FGFR2: variants seen among roughly 807,000 people sequenced by gnomAD.
FGFR2 encodes the protein fibroblast growth factor receptor 2, also known as BEK fibroblast growth factor receptor.
FGFR2 carries 19 observed loss-of-function variants against 95.9 expected under a neutral mutation model. The observed-to-expected ratio is 0.20, with a 90% CI of 0.14 to 0.29. FGFR2 has a LOEUF of 0.29. FGFR2 is among the 10% of genes least tolerant of loss of function. The pLI is 1.00. For missense variants in FGFR2, 707 were observed against 1,056.9 expected, an observed-to-expected ratio of 0.67 and a Z score of 4.59; for synonymous variants, 392 against 393.3, an observed-to-expected ratio of 1.00 and a Z score of 0.04.
At chr10:121,515,810 T>G (rs1202001934) in intron 8 of FGFR2, among the ~76,000 whole-genome samples, 1 of 150,094 alleles carries the variant, frequency 6.7e-6, no homozygotes, top group Non-Finnish European at 1.5e-5. Context: ...ATGAACACAA[T>G]TCCATATGAA....
intron 5 of FGFR2, among the ~76,000 whole-genome samples, chr10:121,546,469 A>G (rs1447658708): frequency 1.3e-5 from 2 of 152,236 alleles, no homozygotes; most frequent in Non-Finnish European, 1.5e-5. Context: ...ACATCCAGCA[A>G]GACTTTGCTC....
chr10:121,561,464 A>G (rs1374608641), intron 4 of FGFR2, among the ~76,000 whole-genome samples: 2 of 152,014 alleles, frequency 1.3e-5, no homozygotes, highest in Non-Finnish European at 2.9e-5. Context: ...CAGTCTTTTC[A>G]ACAAATAGTC....
At chr10:121,496,339 A>G (rs1025451144) in intron 13 of FGFR2, among the ~76,000 whole-genome samples, 193 bp downstream of exon 13, 1 of 152,192 alleles carries the variant, frequency 6.6e-6, no homozygotes, top group Non-Finnish European at 1.5e-5. Flanking sequence ...CAGCGATGCT[A>G]TAGGTTTATG....
At chr10:121,496,360 G>T (rs556815599) in intron 13 of FGFR2, among the ~76,000 whole-genome samples, 172 bp downstream of exon 13, 2 of 152,166 alleles carry the variant, frequency 1.3e-5, no homozygotes, top group Admixed American at 6.5e-5. Flanking sequence ...AGGCTGCTTT[G>T]GTTTTAAACA....
chr10:121,503,878 G>C lies in FGFR2; in HGVS notation c.1351C>G (p.Leu451Val), dbSNP rs1847922108. The C allele has an allele frequency of 1.5e-5, 24 of 1,614,140 alleles. No homozygotes were observed. The highest frequency in any genetic ancestry group is 3.3e-5 in the South Asian group (3 of 91,082). Residue 451 changes from leucine to valine, a missense_variant, in exon 10 of 18, where the codon CTC becomes GTC. By Grantham distance (32) the Leu-to-Val change is conservative. Around this residue, in one of 7 missense-constraint regions of FGFR2, gnomAD observed 194 missense variants for 267.3 expected, o/e 0.73. Coordinates refer to ENST00000358487, the MANE Select transcript of FGFR2 (RefSeq NM_000141.5). ...ATGGGGGTGTCTGCCGTTGAAGAGA[G>C]GCGTGTTGTTATCCTCACCAGCGGG... is the stretch of plus-strand genomic sequence containing the variant. ...NTPLVRITTRLSSTADTPMLA... is the reference protein window; with the variant it reads ...NTPLVRITTRVSSTADTPMLA...
intron 6 of FGFR2, among the ~76,000 whole-genome samples, chr10:121,520,502 A>G (rs1229060093): frequency 6.6e-6 from 1 of 152,238 alleles, no homozygotes; most frequent in East Asian, 1.9e-4. Context: ...AGGGGAGGGA[A>G]GCTTCTTCAC....
At chr10:121,535,717 A>G (rs1204377305) in intron 6 of FGFR2, among the ~76,000 whole-genome samples, 1 of 152,204 alleles carries the variant, frequency 6.6e-6, no homozygotes, top group Non-Finnish European at 1.5e-5. Context: ...AAATAGCTGA[A>G]AAGTAATGGT....
At chr10:121,481,212 T>A (rs1844629358) in intron 17 of FGFR2, among the ~76,000 whole-genome samples, 1 of 152,152 alleles carries the variant, frequency 6.6e-6, no homozygotes, top group African/African-American at 2.4e-5. Flanking sequence ...TGTGGGTCTC[T>A]CTGCCTCCAC....
chr10:121,551,566 A>T (rs891215953), intron 4 of FGFR2, 107 bp from the exon 5 acceptor site: 1 of 1,034,312 alleles, frequency 9.7e-7, no homozygotes, highest in Non-Finnish European at 1.4e-6. Flanking sequence ...ATGCTAGGCT[A>T]TTTTTTAAAT....
rs2133661230 is a variant in FGFR2 at position 121,478,765 on chromosome 10, GA to G, written c.*1091del. On this transcript the variant is annotated 3_prime_UTR_variant, in exon 18 of 18. Transcript: ENST00000358487. ...GAAGCCATTATCAAAATTCACTGAA[GA>G]GAATACAGGCTAATCTGATTAATGT... 4.3e-6 allele frequency: 1 copy of G among 233,682 alleles called. No individual in the cohort carries two copies. Among genetic ancestry groups the G allele is most frequent in the African/African-American group, 2.2e-5 (1 of 45,472 alleles). The allele number at this position is 233,682 out of a possible 1,614,324, so 14.5% of individuals were successfully genotyped here. A position where few individuals can be genotyped will look rare whatever the true frequency, so the allele number is the denominator to read the frequency against.
chr10:121,586,145 G>A (rs976346943), intron 2 of FGFR2, among the ~76,000 whole-genome samples: 2 of 152,100 alleles, frequency 1.3e-5, no homozygotes, highest in South Asian at 4.1e-4. Flanking sequence ...AAACTGTCAG[G>A]TATACAAATG....
intron 4 of FGFR2, among the ~76,000 whole-genome samples, chr10:121,555,641 G>A (rs1442706018): frequency 1.3e-5 from 2 of 152,232 alleles, no homozygotes; most frequent in East Asian, 3.9e-4. Context: ...CAAGAATGAT[G>A]TTCTCCTAAT....
chr10:121,561,425 CAA>C (rs58049520), intron 4 of FGFR2, among the ~76,000 whole-genome samples: 8 of 66,272 alleles, frequency 1.2e-4, no homozygotes, highest in Admixed American at 1.8e-4. Flanking sequence ...ACTCCCATCT[CAA>C]AAAAAAAAAA....
intron 6 of FGFR2, 108 bp downstream of exon 6, chr10:121,538,484 A>G: frequency 6.9e-7 from 1 of 1,448,880 alleles, no homozygotes; most frequent in Non-Finnish European, 9.7e-7. Flanking sequence ...GAATGAACCA[A>G]TTCTCCTGAA....
intron 5 of FGFR2, among the ~76,000 whole-genome samples, chr10:121,540,092 G>T (rs981543494): frequency 1.3e-5 from 2 of 152,180 alleles, no homozygotes; most frequent in African/African-American, 4.8e-5. Flanking sequence ...AAGGATCACT[G>T]GATGAAGGTT....
At chr10:121,500,448 G>C (rs901864690) in intron 11 of FGFR2, among the ~76,000 whole-genome samples, 3 of 152,146 alleles carry the variant, frequency 2.0e-5, no homozygotes, top group African/African-American at 7.2e-5. Context: ...TCTTGTACTT[G>C]TAAAGTTAAG....
At position 121,517,571 on chromosome 10, in the gene FGFR2, C is replaced by A. The variant is rs1589829341; in HGVS notation, c.940-108G>T. 1 of 1,316,302 alleles carries A rather than the reference C, an allele frequency of 7.6e-7. No homozygotes were observed. Among genetic ancestry groups the A allele is most frequent in the East Asian group, 2.4e-5 (1 of 42,450 alleles). The allele number at this position is 1,316,302 out of a possible 1,614,324, so 81.5% of individuals were successfully genotyped here. ...ACCGGGGGCTTCAGGGGGTGCTGGC[C>A]ACTGGGAGATTCCGACTGCAGCCCA... On this transcript the variant is annotated intron_variant, in intron 7 of 17. Transcript: ENST00000358487. The surrounding 1 kb of genome is among the most constrained non-coding windows in gnomAD (Gnocchi z 4.7).
chr10:121,568,513 A>G (rs1456352830), intron 2 of FGFR2, among the ~76,000 whole-genome samples: 2 of 152,114 alleles, frequency 1.3e-5, no homozygotes, highest in East Asian at 1.9e-4. Flanking sequence ...CCTCCCTCAC[A>G]GGGAAGGCAC....
intron 13 of FGFR2, among the ~76,000 whole-genome samples, chr10:121,495,632 G>C (rs764034160): frequency 2.0e-5 from 3 of 152,178 alleles, no homozygotes; most frequent in African/African-American, 4.8e-5. Flanking sequence ...GCAGGCCTTG[G>C]TGGTGTGACT....
Sources: gnomAD v4.1 joint callset for allele counts (sites outside exome capture counted in the v4.1 genomes callset) on GRCh38, gnomAD v4.1.1 for gene constraint, gnomAD v4.1.1 regional missense constraint, Gnocchi (gnomAD v3.1) non-coding constraint, MANE v1.5 for transcripts, NCBI Gene and HGNC (gene_info 2026-07-23, HGNC 2026-07-21) for gene names.